GALNTL6: variants seen among roughly 807,000 people sequenced by gnomAD.
The protein encoded by GALNTL6 is polypeptide N-acetylgalactosaminyltransferase like 6, also known as polypeptide N-acetylgalactosaminyltransferase-like 6.
GALNTL6 carries 46 observed loss-of-function variants against 73.7 expected under a neutral mutation model. The observed-to-expected ratio is 0.62, with a 90% confidence interval of 0.49 to 0.80. GALNTL6 has a LOEUF of 0.80. Among genes scored for constraint, GALNTL6 ranks in the 30% least tolerant of loss-of-function variants. The pLI, the probability that GALNTL6 is intolerant of heterozygous loss-of-function variation, is 0.00. For synonymous variants in GALNTL6, 259 were observed against 263.7 expected, an observed-to-expected ratio of 0.98 and a Z score of 0.17; for missense variants, 604 against 755.0, an observed-to-expected ratio of 0.80 and a Z score of 2.34.
intron 5 of GALNTL6, among the ~76,000 whole-genome samples, chr4:172,382,052 T>A (rs1179795984): frequency 6.6e-6 from 1 of 152,160 alleles, no homozygotes; most frequent in African/African-American, 2.4e-5. Flanking sequence ...TCACTGCAAC[T>A]TCCACCTCCT....
intron 3 of GALNTL6, among the ~76,000 whole-genome samples, chr4:172,309,848 A>G (rs1740285409): frequency 6.6e-6 from 1 of 152,162 alleles, no homozygotes; most frequent in South Asian, 2.1e-4. Context: ...ACTACAAACA[A>G]TACAATGAAG....
chr4:172,584,198 A>G (rs1327082767), intron 5 of GALNTL6, among the ~76,000 whole-genome samples: 1 of 152,160 alleles, frequency 6.6e-6, no homozygotes, highest in Non-Finnish European at 1.5e-5. Flanking sequence ...AAGACATTTC[A>G]GCTTGTTTAG....
intron 5 of GALNTL6, among the ~76,000 whole-genome samples, chr4:172,421,477 T>C (rs1257869804): frequency 1.3e-5 from 2 of 151,796 alleles, no homozygotes; most frequent in Admixed American, 1.3e-4. Context: ...AAACTTTTAA[T>C]GGCTAAGAGA....
intron 5 of GALNTL6, among the ~76,000 whole-genome samples, chr4:172,657,520 T>C (rs1731096466): frequency 6.6e-6 from 1 of 152,228 alleles, no homozygotes; most frequent in Admixed American, 6.5e-5. Flanking sequence ...TAAGGCATTG[T>C]CTGAAAACTA....
At chr4:171,837,885 C>G (rs6820198) in intron 2 of GALNTL6, among the ~76,000 whole-genome samples, 23,286 of 150,476 alleles carry the variant, frequency 0.15, 1,919 homozygotes, top group South Asian at 0.28. Flanking sequence ...AAAACTCCAG[C>G]AAACCCTCTT....
intron 5 of GALNTL6, among the ~76,000 whole-genome samples, chr4:172,518,652 T>C (rs1191291046): frequency 6.6e-6 from 1 of 151,952 alleles, no homozygotes; most frequent in African/African-American, 2.4e-5. Flanking sequence ...ATTTTCGAAT[T>C]AATAACTCAT....
intron 2 of GALNTL6, among the ~76,000 whole-genome samples, chr4:171,950,047 T>C (rs1434904212): frequency 1.3e-5 from 2 of 152,202 alleles, no homozygotes; most frequent in African/African-American, 2.4e-5. Flanking sequence ...GATCTGAGAA[T>C]AGCCCTGGCG....
chr4:172,995,080 A>G (rs4574383), intron 10 of GALNTL6, among the ~76,000 whole-genome samples: 29,430 of 152,106 alleles, frequency 0.19, 3,038 homozygotes, highest in African/African-American at 0.25. Flanking sequence ...TGAGGATAAT[A>G]TTGGAAGTGG....
chr4:172,730,970 C>T (rs949880161), intron 5 of GALNTL6, among the ~76,000 whole-genome samples: 6 of 151,618 alleles, frequency 4.0e-5, no homozygotes, highest in Non-Finnish European at 7.4e-5. Flanking sequence ...CTCCCAGCTA[C>T]TTGGGAGGCT....
intron 2 of GALNTL6, among the ~76,000 whole-genome samples, chr4:172,071,830 G>A (rs997514602): frequency 6.6e-6 from 1 of 152,148 alleles, no homozygotes; most frequent in East Asian, 1.9e-4. Flanking sequence ...AGGACTATTG[G>A]CATAAGAAAA....
chr4:173,007,805 CA>C (rs929615467), intron 10 of GALNTL6, among the ~76,000 whole-genome samples: 18 of 141,742 alleles, frequency 1.3e-4, no homozygotes, highest in Admixed American at 2.1e-4. Context: ...AACTTGGTCT[CA>C]AAAAAAAAAA....
intron 2 of GALNTL6, among the ~76,000 whole-genome samples, chr4:172,113,076 GGTA>G (rs1732898540): frequency 6.6e-6 from 1 of 151,582 alleles, no homozygotes; most frequent in Admixed American, 6.6e-5. Context: ...TATATAGGTA[GGTA>G]AATTTCTTGT....
chr4:172,491,142 C>T (rs535713034), intron 5 of GALNTL6, among the ~76,000 whole-genome samples: 5 of 152,058 alleles, frequency 3.3e-5, no homozygotes, highest in Middle Eastern at 3.4e-3. Flanking sequence ...ACCTAGGTCT[C>T]GTAATTTCTA....
At chr4:172,488,977 C>T (rs1733803096) in intron 5 of GALNTL6, among the ~76,000 whole-genome samples, 1 of 152,116 alleles carries the variant, frequency 6.6e-6, no homozygotes, top group Non-Finnish European at 1.5e-5. Context: ...TTCCATTCGT[C>T]TACTCAAGAC....
intron 5 of GALNTL6, among the ~76,000 whole-genome samples, chr4:172,434,331 A>G (rs1488112286): frequency 2.0e-5 from 3 of 152,128 alleles, no homozygotes; most frequent in Non-Finnish European, 2.9e-5. Flanking sequence ...TCTGTCACCA[A>G]TTAGATGTCT....
chr4:171,868,233 C>T lies in GALNTL6; in HGVS notation c.138+53515C>T, dbSNP rs543829477. ...CGAACTACTGGCCTCAAGCAATCCT[C>T]CTGCCTCAACCTTCCAAAATGCTGA... On this transcript the variant is annotated intron_variant, in intron 2 of 12. Coordinates refer to ENST00000506823, the MANE Select transcript of GALNTL6 (RefSeq NM_001034845.3). Among the ~76,000 whole-genome samples the T allele has an allele frequency of 4.6e-5, 7 of 152,238 alleles. No homozygotes were observed. In the East Asian group the frequency reaches 1.4e-3, roughly 29 times the overall value.
intron 5 of GALNTL6, among the ~76,000 whole-genome samples, chr4:172,672,256 G>A (rs947946065): frequency 1.3e-5 from 2 of 152,246 alleles, no homozygotes; most frequent in East Asian, 1.9e-4. Context: ...TTTCTCCTTC[G>A]ATTGAGATAA....
chr4:172,364,915 A>G (rs950266872), intron 5 of GALNTL6, among the ~76,000 whole-genome samples: 2 of 152,230 alleles, frequency 1.3e-5, no homozygotes, highest in Non-Finnish European at 2.9e-5. Context: ...TAAAACTGCA[A>G]ATGTATGTCC....
At chr4:172,554,024 C>G (rs1205655072) in intron 5 of GALNTL6, among the ~76,000 whole-genome samples, 1 of 151,996 alleles carries the variant, frequency 6.6e-6, no homozygotes, top group African/African-American at 2.4e-5. Context: ...GAACCTGTCT[C>G]AAAAAAGGAA....
Sources: allele counts gnomAD v4.1 joint callset (sites outside exome capture counted in the v4.1 genomes callset), GRCh38; gene constraint gnomAD v4.1.1; transcripts MANE v1.5; gene names NCBI Gene and HGNC (gene_info 2026-07-23, HGNC 2026-07-21).